SLC35F3: variants seen among roughly 807,000 people sequenced by gnomAD.
SLC35F3 encodes the protein solute carrier family 35 member F3, also known as putative thiamine transporter SLC35F3.
In SLC35F3, 25 loss-of-function variants were observed where a neutral mutation model predicts 49.9. That is an observed-to-expected ratio of 0.50 (90% CI 0.37 to 0.70). The LOEUF is 0.70. Ranked by LOEUF, SLC35F3 falls within the 30% of genes least tolerant of loss-of-function variation. The pLI is 0.00. For missense variants in SLC35F3, 525 were observed against 639.8 expected (o/e 0.82, Z 1.94); for synonymous variants, 275 against 265.4 (o/e 1.04, Z -0.35).
chr1:234,227,110 A>G (rs949471894), intron 2 of SLC35F3, among the ~76,000 whole-genome samples: 1 of 152,202 alleles, frequency 6.6e-6, no homozygotes, highest in Non-Finnish European at 1.5e-5. Context: ...GAGATGTTTG[A>G]ATCCACAATT....
chr1:234,129,441 G>A (rs539294041), intron 2 of SLC35F3, among the ~76,000 whole-genome samples: 1 of 152,260 alleles, frequency 6.6e-6, no homozygotes, highest in African/African-American at 2.4e-5. Flanking sequence ...AAAAATATTA[G>A]AGAAGACCTA....
chr1:234,149,699 A>C lies in SLC35F3; in HGVS notation c.284-81718A>C, dbSNP rs1307577613. Among the ~76,000 whole-genome samples the C allele has an allele frequency of 2.0e-5, 3 of 152,226 alleles. No individual in the cohort carries two copies. The East Asian group carries it at 5.8e-4, about 29-fold the overall frequency. ...TATGTTTCATGTTTGATATTTTCAA[A>C]AGAATATAAGCTGTCTCAGATCATT... On this transcript the variant is annotated intron_variant, in intron 2 of 7. Transcript: ENST00000366618.
chr1:234,058,868 T>TTAAATGGC (rs1421805908), intron 2 of SLC35F3, among the ~76,000 whole-genome samples: 4 of 152,178 alleles, frequency 2.6e-5, no homozygotes, highest in African/African-American at 9.7e-5. Flanking sequence ...ATGTATCTAT[T>TTAAATGGC]TAAATGGCCT....
chr1:234,207,398 CCT>C (rs1666986825), intron 2 of SLC35F3, among the ~76,000 whole-genome samples: 1 of 26,700 alleles, frequency 3.7e-5, no homozygotes, highest in Non-Finnish European at 1.2e-4. Flanking sequence ...ATCCTTCCTT[CCT>C]CCCTCCCTCC....
intron 2 of SLC35F3, among the ~76,000 whole-genome samples, chr1:233,999,369 C>T (rs10797520): frequency 0.059 from 8,927 of 152,094 alleles, 522 homozygotes; most frequent in East Asian, 0.16. Flanking sequence ...CCATTCAGCA[C>T]GTCACAAGAA....
intron 2 of SLC35F3, among the ~76,000 whole-genome samples, chr1:234,139,344 G>T (rs988402139): frequency 6.6e-6 from 1 of 152,180 alleles, no homozygotes; most frequent in Non-Finnish European, 1.5e-5. Flanking sequence ...GGTGGGATAG[G>T]TGTAGAAGGC....
At chr1:233,987,869 T>A (rs1393643597) in intron 2 of SLC35F3, among the ~76,000 whole-genome samples, 1 of 152,196 alleles carries the variant, frequency 6.6e-6, no homozygotes, top group East Asian at 1.9e-4. Flanking sequence ...TTCTATTTAT[T>A]TCTTCCCTCC....
At chr1:234,069,242 A>G (rs1480789485) in intron 2 of SLC35F3, among the ~76,000 whole-genome samples, 2 of 132,388 alleles carry the variant, frequency 1.5e-5, no homozygotes, top group Admixed American at 1.6e-4. Context: ...ATAAAAATAT[A>G]TAATATATAT....
chr1:234,004,667 C>T (rs1490022962), intron 2 of SLC35F3, among the ~76,000 whole-genome samples: 1 of 152,032 alleles, frequency 6.6e-6, no homozygotes, highest in Non-Finnish European at 1.5e-5. Flanking sequence ...TAAATTACAG[C>T]TCTTCATAAA....
intron 2 of SLC35F3, among the ~76,000 whole-genome samples, chr1:234,035,721 A>G (rs890013328): frequency 6.6e-6 from 1 of 152,010 alleles, no homozygotes; most frequent in African/African-American, 2.4e-5. Context: ...CTGAGTTATA[A>G]ATTTCTGTTT....
At chr1:234,276,623 G>A (rs12040979) in intron 3 of SLC35F3, among the ~76,000 whole-genome samples, 42 of 151,928 alleles carry the variant, frequency 2.8e-4, no homozygotes, top group Non-Finnish European at 5.1e-4. Flanking sequence ...AAGACATAAC[G>A]GGTAATTAAC....
At chr1:234,017,136 C>G (rs1663812912) in intron 2 of SLC35F3, among the ~76,000 whole-genome samples, 1 of 152,142 alleles carries the variant, frequency 6.6e-6, no homozygotes, top group Admixed American at 6.6e-5. Flanking sequence ...TAGTTATGCT[C>G]CACAAAGTTA....
chr1:234,063,195 T>G (rs1664570742), intron 2 of SLC35F3, among the ~76,000 whole-genome samples: 1 of 151,968 alleles, frequency 6.6e-6, no homozygotes, highest in Non-Finnish European at 1.5e-5. Context: ...CAGTGAGGAG[T>G]TACAGATGAA....
intron 4 of SLC35F3, among the ~76,000 whole-genome samples, chr1:234,313,169 G>A (rs10752782): frequency 0.62 from 94,481 of 151,980 alleles, 29,404 homozygotes; most frequent in Middle Eastern, 0.66. Context: ...GAACCACCGC[G>A]CCAGGCCTTG....
chr1:234,060,442 G>GTATT (rs932633324), intron 2 of SLC35F3, among the ~76,000 whole-genome samples: 42 of 152,038 alleles, frequency 2.8e-4, no homozygotes, highest in East Asian at 9.7e-4. Context: ...TCCTATTTAT[G>GTATT]TATTTATTTA....
At chr1:234,185,948 C>T (rs1444526496) in intron 2 of SLC35F3, among the ~76,000 whole-genome samples, 2 of 152,134 alleles carry the variant, frequency 1.3e-5, no homozygotes, top group African/African-American at 4.8e-5. Context: ...CTGGTTTTAA[C>T]GTTCACTGTC....
At chr1:233,905,881 C>T (rs972615899) in intron 2 of SLC35F3, 123 bp downstream of exon 2, 2 of 925,214 alleles carry the variant, frequency 2.2e-6, no homozygotes, top group Non-Finnish European at 3.2e-6. Flanking sequence ...CCTGCTGATA[C>T]AGACCCAGGT....
intron 2 of SLC35F3, among the ~76,000 whole-genome samples, chr1:234,070,393 G>C (rs1664695310): frequency 6.6e-6 from 1 of 152,170 alleles, no homozygotes. Flanking sequence ...TTTCCCAGTA[G>C]GCTTTTAAAT....
intron 3 of SLC35F3, among the ~76,000 whole-genome samples, chr1:234,236,954 T>TAA: frequency 8.2e-6 from 1 of 121,848 alleles, no homozygotes; most frequent in Non-Finnish European, 1.7e-5. Flanking sequence ...TATATATATA[T>TAA]ATATATATAT....
Sources: gnomAD v4.1 joint callset for allele counts (sites outside exome capture counted in the v4.1 genomes callset) on GRCh38, gnomAD v4.1.1 for gene constraint, MANE v1.5 for transcripts, NCBI Gene and HGNC (gene_info 2026-07-23, HGNC 2026-07-21) for gene names.